KCNAB1: variants seen among roughly 807,000 people sequenced by gnomAD.
KCNAB1 encodes the protein voltage-gated potassium channel subunit beta-1.
KCNAB1 carries 35 observed loss-of-function variants against 64.6 expected under a neutral mutation model. The observed-to-expected ratio is 0.54, with a 90% CI of 0.41 to 0.72. The LOEUF (loss-of-function observed/expected upper bound fraction) is 0.72, where lower values mean the gene tolerates loss of function less well. KCNAB1 is among the 30% of genes least tolerant of loss of function. The probability of loss-of-function intolerance (pLI) is 0.00; values close to 1 mark genes in which losing one functional copy is unlikely to be tolerated. For synonymous variants in KCNAB1, 177 were observed against 183.8 expected (o/e 0.96, Z 0.30); for missense variants, 401 against 512.9 (o/e 0.78, Z 2.11).
chr3:156,443,776 ACACACTATT>A (rs1192151473), intron 2 of KCNAB1, among the ~76,000 whole-genome samples: 4 of 143,782 alleles, frequency 2.8e-5, no homozygotes, highest in African/African-American at 1.1e-4. Context: ...ACACACACAC[ACACACTATT>A]CTTTACTTGT....
intron 1 of KCNAB1, among the ~76,000 whole-genome samples, chr3:156,197,162 G>A (rs1180951677): frequency 1.3e-5 from 2 of 152,112 alleles, no homozygotes; most frequent in African/African-American, 2.4e-5. Flanking sequence ...TGACTTGATC[G>A]TGATGGATAA....
intron 1 of KCNAB1, among the ~76,000 whole-genome samples, chr3:156,396,801 A>G (rs1713496283): frequency 6.6e-6 from 1 of 152,252 alleles, no homozygotes; most frequent in Non-Finnish European, 1.5e-5. Flanking sequence ...TCACTCAAGA[A>G]GTTATACAAG....
At chr3:156,211,863 C>A (rs1294138986) in intron 1 of KCNAB1, among the ~76,000 whole-genome samples, 1 of 152,194 alleles carries the variant, frequency 6.6e-6, no homozygotes, top group East Asian at 1.9e-4. Flanking sequence ...GTGGAAAGCC[C>A]AGCAAGAGCT....
chr3:156,338,557 C>T (rs948258013), intron 1 of KCNAB1, among the ~76,000 whole-genome samples: 6 of 151,990 alleles, frequency 3.9e-5, no homozygotes, highest in Non-Finnish European at 7.4e-5. Flanking sequence ...GGTGATCCAC[C>T]CACCTTGGCC....
Position 156,143,453 on chromosome 3 carries a change from C to A in KCNAB1, c.275+22567C>A, listed in dbSNP as rs752736190. 7.3e-5 allele frequency: 102 copies of A among 1,405,552 alleles called. 1 individual carries two copies. The Middle Eastern group carries it at 1.3e-3, about 18-fold the overall frequency. 87.1% of individuals were successfully genotyped at this position (1,405,552 alleles called of 1,614,324 possible). A position where few individuals can be genotyped will look rare whatever the true frequency, so the allele number is the denominator to read the frequency against. ...TGATTGCAAAGTCATCCAACCAGGG[C>A]ACTGCACTGATGTCAAAGGTTGTTA... On this transcript the variant is annotated intron_variant, in intron 1 of 13. Coordinates refer to ENST00000490337, the MANE Select transcript of KCNAB1 (RefSeq NM_172160.3).
chr3:156,305,725 A>G (rs1415567864), intron 1 of KCNAB1, among the ~76,000 whole-genome samples: 2 of 152,210 alleles, frequency 1.3e-5, no homozygotes, highest in African/African-American at 4.8e-5. Context: ...TAGGTTACAA[A>G]AGAAAAGAAA....
chr3:156,260,529 C>G (rs1718371266), intron 1 of KCNAB1, among the ~76,000 whole-genome samples: 1 of 152,068 alleles, frequency 6.6e-6, no homozygotes, highest in Non-Finnish European at 1.5e-5. Context: ...AATATATAGT[C>G]TTTTTTTGTC....
At chr3:156,292,912 A>G (rs1304911322) in intron 1 of KCNAB1, among the ~76,000 whole-genome samples, 1 of 152,240 alleles carries the variant, frequency 6.6e-6, no homozygotes, top group East Asian at 1.9e-4. Context: ...TTGTTGCAGG[A>G]AAAACCACCT....
Position 156,508,680 on chromosome 3 carries a change from G to A in KCNAB1, c.659-5684G>A, listed in dbSNP as rs868311449. On this transcript the variant is annotated intron_variant, in intron 8 of 13. Transcript: ENST00000490337. This position sits in a 1 kb window ranked among gnomAD's most constrained non-coding sequence, Gnocchi z 4.1. ...AGTTATTCTACACCCATTATCCCAC[G>A]TCAAGCTTTGAAAGAATTTCACAAC... is the stretch of plus-strand genomic sequence containing the variant. Among the ~76,000 whole-genome samples, 15 of 152,216 alleles carry A rather than the reference G, an allele frequency of 9.9e-5. No individual in the cohort carries two copies. Among genetic ancestry groups the A allele is most frequent in the South Asian group, 8.3e-4 (4 of 4,828 alleles).
At chr3:156,293,964 GCC>G (rs1720623215) in intron 1 of KCNAB1, among the ~76,000 whole-genome samples, 1 of 152,186 alleles carries the variant, frequency 6.6e-6, no homozygotes, top group Non-Finnish European at 1.5e-5. Flanking sequence ...TTAAATTGTG[GCC>G]TCTAGTACTT....
intron 13 of KCNAB1, among the ~76,000 whole-genome samples, chr3:156,533,132 G>C (rs1718816775): frequency 1.3e-5 from 2 of 152,224 alleles, no homozygotes; most frequent in African/African-American, 2.4e-5. Flanking sequence ...GCCAGTAGGA[G>C]AGACAGATAA....
chr3:156,495,506 A>C (rs764791405), intron 8 of KCNAB1, among the ~76,000 whole-genome samples: 2 of 152,216 alleles, frequency 1.3e-5, no homozygotes, highest in Non-Finnish European at 2.9e-5. Context: ...TAGACTTGAT[A>C]AAGAAAATGT....
intron 1 of KCNAB1, among the ~76,000 whole-genome samples, chr3:156,197,254 T>G (rs1714011245): frequency 6.6e-6 from 1 of 152,248 alleles, no homozygotes; most frequent in Admixed American, 6.5e-5. Flanking sequence ...GATATTGGCC[T>G]GAAATTTTCT....
intron 1 of KCNAB1, chr3:156,290,976 A>T (rs1327509883): frequency 1.0e-6 from 1 of 984,782 alleles, no homozygotes; most frequent in African/African-American, 1.7e-5. Context: ...GTCACAGAGT[A>T]TTCACGTGTT....
chr3:156,430,267 C>T (rs1185932862), intron 2 of KCNAB1, among the ~76,000 whole-genome samples: 1 of 152,046 alleles, frequency 6.6e-6, no homozygotes, highest in Non-Finnish European at 1.5e-5. Context: ...GGGGAGAACT[C>T]GAGGAGAGAA....
chr3:156,278,335 C>T (rs4143532), intron 1 of KCNAB1, among the ~76,000 whole-genome samples: 45,416 of 151,960 alleles, frequency 0.3, 7,820 homozygotes, highest in African/African-American at 0.46. Context: ...TGGGAAGCTC[C>T]TCCAGAGTCT....
chr3:156,295,682 G>T (rs1358420041), intron 1 of KCNAB1, among the ~76,000 whole-genome samples: 1 of 152,188 alleles, frequency 6.6e-6, no homozygotes, highest in Non-Finnish European at 1.5e-5. Context: ...TATCCTGTAT[G>T]TAAATAACAC....
chr3:156,232,333 T>C (rs181643556), intron 1 of KCNAB1, among the ~76,000 whole-genome samples: 8 of 152,314 alleles, frequency 5.3e-5, no homozygotes, highest in Admixed American at 1.3e-4. Context: ...TTCTGATAAA[T>C]ATTAATTTGC....
At chr3:156,512,408 G>T (rs538810771) in intron 8 of KCNAB1, among the ~76,000 whole-genome samples, 4 of 152,364 alleles carry the variant, frequency 2.6e-5, no homozygotes, top group Admixed American at 2.0e-4. Flanking sequence ...CAGAGACAGA[G>T]TTAAGGGAGA....
Sources: allele counts gnomAD v4.1 joint callset (sites outside exome capture counted in the v4.1 genomes callset), GRCh38; gene constraint gnomAD v4.1.1; non-coding constraint Gnocchi (gnomAD v3.1); transcripts MANE v1.5; gene names NCBI Gene and HGNC (gene_info 2026-07-23, HGNC 2026-07-21).